MGAT4A: variants seen among roughly 807,000 people sequenced by gnomAD.
MGAT4A encodes the protein N-acetylglucosaminyltransferase IVa.
In MGAT4A, 33 loss-of-function variants were observed where a neutral mutation model predicts 74.1. The observed-to-expected ratio is 0.45, with a 90% CI of 0.34 to 0.60. MGAT4A has a LOEUF of 0.60. Ranked by LOEUF, MGAT4A falls within the 20% of genes least tolerant of loss-of-function variation. The probability of loss-of-function intolerance (pLI) is 0.02; values close to 1 mark genes in which losing one functional copy is unlikely to be tolerated. For synonymous variants in MGAT4A, 198 were observed against 210.4 expected, an observed-to-expected ratio of 0.94 and a Z score of 0.51; for missense variants, 479 against 628.3, an observed-to-expected ratio of 0.76 and a Z score of 2.54.
At chr2:98,684,573 T>C (rs1236144768) in intron 2 of MGAT4A, among the ~76,000 whole-genome samples, 1 of 152,236 alleles carries the variant, frequency 6.6e-6, no homozygotes, top group Non-Finnish European at 1.5e-5. Context: ...AGGGTAACTC[T>C]GGGCTTTCAA....
rs989766845 is a variant in MGAT4A at position 98,623,761 on chromosome 2, C to T, written c.*1805G>A. ...ATTGTACTGTATCAGTGTTTCCAAA[C>T]GTTTGCACTTTGTAACACAGCACAG... On this transcript the variant is annotated 3_prime_UTR_variant, in exon 16 of 16. Transcript: ENST00000393487. The T allele has an allele frequency of 1.2e-5, 12 of 985,296 alleles. No individual in the cohort carries two copies. Among genetic ancestry groups the T allele is most frequent in the African/African-American group, 1.7e-5 (1 of 57,240 alleles). The allele number at this position is 985,296 out of a possible 1,614,324, so 61.0% of individuals were successfully genotyped here.
chr2:98,669,397 C>T (rs1701880804), intron 4 of MGAT4A, among the ~76,000 whole-genome samples: 1 of 152,130 alleles, frequency 6.6e-6, no homozygotes, highest in African/African-American at 2.4e-5. Context: ...ACTTGCTCCT[C>T]CTTGCCTTCC....
rs116969883 is a variant in MGAT4A, at chr2:98,729,967, C to T, written c.-236+1081G>A. Among the ~76,000 whole-genome samples, 167 of 152,318 alleles carry T rather than the reference C, an allele frequency of 1.1e-3. 3 individuals carry two copies. The East Asian group carries it at 0.02, about 18-fold the overall frequency. On this transcript the variant is annotated intron_variant, in intron 1 of 15. Transcript: ENST00000393487. ...GCTTACGTAATGTCATCGCCCAGTG[C>T]GTTTTCGGGTTTACACGTGTGGGTT...
intron 14 of MGAT4A, among the ~76,000 whole-genome samples, chr2:98,633,012 C>A (rs1390739876): frequency 6.6e-6 from 1 of 152,214 alleles, no homozygotes; most frequent in African/African-American, 2.4e-5. Context: ...CCTACCTTGG[C>A]CTCCCAAAGT....
Position 98,623,980 on chromosome 2 carries a change from C to T in MGAT4A, c.*1586G>A. The stretch of plus-strand genomic sequence containing the variant: ...CCCACTTGTGGCACCCCAGTGTGTC[C>T]AAGCAGACTGGCTGGGAACTGATGT... On this transcript the variant is annotated 3_prime_UTR_variant, in exon 16 of 16. Transcript: ENST00000393487. 1.0e-6 allele frequency: 1 copy of T among 985,484 alleles called. No homozygotes were observed. The highest frequency in any genetic ancestry group is 1.2e-6 in the Non-Finnish European group (1 of 829,996). 61.0% of individuals were successfully genotyped at this position (985,484 alleles called of 1,614,324 possible). A position where few individuals can be genotyped will look rare whatever the true frequency, so the allele number is the denominator to read the frequency against.
chr2:98,685,581 T>C (rs796848505), intron 2 of MGAT4A, among the ~76,000 whole-genome samples: 22 of 152,220 alleles, frequency 1.4e-4, no homozygotes, highest in African/African-American at 5.3e-4. Flanking sequence ...GGAGAACTAA[T>C]GCCATAAAAA....
intron 2 of MGAT4A, among the ~76,000 whole-genome samples, chr2:98,725,110 C>T (rs564077008): frequency 6.6e-6 from 1 of 152,208 alleles, no homozygotes; most frequent in Admixed American, 6.5e-5. Flanking sequence ...CCTGATTAAG[C>T]CTTCTCATTT....
At chr2:98,632,137 T>A (rs1036439924) in intron 14 of MGAT4A, among the ~76,000 whole-genome samples, 54 of 151,694 alleles carry the variant, frequency 3.6e-4, no homozygotes, top group Admixed American at 8.5e-4. Context: ...AATAAATAAA[T>A]AAAAAGGCAG....
intron 2 of MGAT4A, among the ~76,000 whole-genome samples, chr2:98,679,298 C>T (rs1329941508): frequency 2.0e-5 from 3 of 149,120 alleles, no homozygotes; most frequent in Admixed American, 6.8e-5. Flanking sequence ...CCCAGCTACT[C>T]GGGAGGCTGA....
intron 2 of MGAT4A, among the ~76,000 whole-genome samples, chr2:98,705,805 C>T (rs1401995897): frequency 2.0e-5 from 3 of 151,832 alleles, no homozygotes; most frequent in South Asian, 2.1e-4. Context: ...TAGCCGGGCG[C>T]GGTGGCGGGC....
In MGAT4A at chr2:98,623,397, C is replaced by G; in HGVS notation, c.*2169G>C. 2 of 985,424 alleles carry G rather than the reference C, an allele frequency of 2.0e-6. No individual in the cohort carries two copies. The highest frequency in any genetic ancestry group is 2.4e-6 in the Non-Finnish European group (2 of 829,936). 61.0% of individuals were successfully genotyped at this position (985,424 alleles called of 1,614,324 possible). A position where few individuals can be genotyped will look rare whatever the true frequency, so the allele number is the denominator to read the frequency against. On this transcript the variant is annotated 3_prime_UTR_variant, in exon 16 of 16. Transcript: ENST00000393487. The stretch of plus-strand genomic sequence containing the variant: ...TTCTTCATGAAACCAGAGTTGGCAA[C>G]TGAGGAACCAGGGACCCAAGAGTAC...
At chr2:98,655,308 C>T (rs1406476172) in intron 8 of MGAT4A, 137 bp downstream of exon 8, 9 of 606,074 alleles carry the variant, frequency 1.5e-5, no homozygotes, top group South Asian at 1.4e-4. Context: ...CATGGAGACC[C>T]CTCTGCTCTG....
At chr2:98,697,452 G>A (rs10196164) in intron 2 of MGAT4A, among the ~76,000 whole-genome samples, 1 of 152,196 alleles carries the variant, frequency 6.6e-6, no homozygotes, top group Admixed American at 6.5e-5. Flanking sequence ...TGTGGTGATA[G>A]AATTGTTCTA....
chr2:98,648,436 G>GGTGCA (rs1349213219), intron 8 of MGAT4A, among the ~76,000 whole-genome samples: 2 of 152,028 alleles, frequency 1.3e-5, no homozygotes, highest in Non-Finnish European at 2.9e-5. Flanking sequence ...GGAGGCAGAG[G>GGTGCA]GTGCAGTGAG....
At chr2:98,725,963 T>G (rs1326526582) in intron 2 of MGAT4A, 2 of 410,202 alleles carry the variant, frequency 4.9e-6, no homozygotes, top group African/African-American at 4.1e-5. Flanking sequence ...TCTTTATTAT[T>G]CAACTTGGCT....
At chr2:98,706,726 T>C (rs1229588509) in intron 2 of MGAT4A, among the ~76,000 whole-genome samples, 2 of 151,660 alleles carry the variant, frequency 1.3e-5, no homozygotes, top group African/African-American at 4.8e-5. Flanking sequence ...TATGTACATA[T>C]ATACATACAT....
At chr2:98,660,415 C>G (rs1340239048) in intron 5 of MGAT4A, among the ~76,000 whole-genome samples, 1 of 120,100 alleles carries the variant, frequency 8.3e-6, no homozygotes, top group Non-Finnish European at 1.6e-5. Context: ...CACACACGCA[C>G]GCGCACACAC....
chr2:98,668,000 G>A (rs1279846461), intron 4 of MGAT4A, among the ~76,000 whole-genome samples: 4 of 152,158 alleles, frequency 2.6e-5, no homozygotes. Flanking sequence ...TCACAGGCGT[G>A]AGCCACAGCG....
At chr2:98,716,922 A>T (rs938306042) in intron 2 of MGAT4A, among the ~76,000 whole-genome samples, 1 of 152,174 alleles carries the variant, frequency 6.6e-6, no homozygotes, top group African/African-American at 2.4e-5. Context: ...ACCAGTTTGT[A>T]TATGTTCAGT....
Sources: allele counts gnomAD v4.1 joint callset (sites outside exome capture counted in the v4.1 genomes callset), GRCh38; gene constraint gnomAD v4.1.1; transcripts MANE v1.5; gene names NCBI Gene and HGNC (gene_info 2026-07-23, HGNC 2026-07-21).